The following PRKAG2 variants were observed in gnomAD, a reference collection of about 807,000 sequenced individuals.
The protein encoded by PRKAG2 is protein kinase AMP-activated non-catalytic subunit gamma 2, also known as 5'-AMP-activated protein kinase subunit gamma-2.
Under a neutral mutation model 69.6 loss-of-function variants are expected in PRKAG2, and 26 were observed. That is an observed-to-expected ratio of 0.37 (90% CI 0.27 to 0.52). PRKAG2 has a LOEUF of 0.52. PRKAG2 is among the 20% of genes least tolerant of loss of function. PRKAG2 has a pLI of 0.90. For synonymous variants in PRKAG2, 293 were observed against 285.0 expected, an observed-to-expected ratio of 1.03 and a Z score of -0.28; for missense variants, 557 against 740.0, an observed-to-expected ratio of 0.75 and a Z score of 2.87.
intron 3 of PRKAG2, among the ~76,000 whole-genome samples, chr7:151,735,151 C>T (rs549074103): frequency 3.4e-4 from 51 of 152,220 alleles, no homozygotes; most frequent in African/African-American, 1.0e-3. Flanking sequence ...CCACCGCGCC[C>T]GGCCTCTGAT....
chr7:151,606,921 T>G (rs542368094), intron 5 of PRKAG2, among the ~76,000 whole-genome samples: 1 of 152,380 alleles, frequency 6.6e-6, no homozygotes, highest in Admixed American at 6.5e-5. Context: ...ATTAACACAA[T>G]GCTCCCTTCT....
intron 1 of PRKAG2, among the ~76,000 whole-genome samples, chr7:151,789,428 ACT>A (rs2077166485): frequency 6.6e-6 from 1 of 151,626 alleles, no homozygotes; most frequent in Admixed American, 6.6e-5. Context: ...GCCTACACCC[ACT>A]CTCACCCAGT....
intron 1 of PRKAG2, among the ~76,000 whole-genome samples, chr7:151,862,132 G>A (rs572489271): frequency 1.3e-5 from 2 of 152,188 alleles, no homozygotes; most frequent in East Asian, 1.9e-4. Flanking sequence ...CTAGGCGCCC[G>A]GCCCGTCTCC....
chr7:151,596,600 T>C (rs773328274), intron 5 of PRKAG2, among the ~76,000 whole-genome samples: 1 of 151,984 alleles, frequency 6.6e-6, no homozygotes, highest in Non-Finnish European at 1.5e-5. Flanking sequence ...AATACAAAAA[T>C]TAGCTGGGCA....
chr7:151,610,253 C>T (rs1344419294), intron 5 of PRKAG2, among the ~76,000 whole-genome samples: 1 of 152,118 alleles, frequency 6.6e-6, no homozygotes, highest in East Asian at 1.9e-4. Flanking sequence ...CCTGTAGTCC[C>T]AGCTACTTGG....
rs71198724 is a variant in PRKAG2 at position 151,623,363 on chromosome 7, CAAAAAAAAA to C, written c.754+8697_754+8705del. Among the ~76,000 whole-genome samples, 3 of 36,664 alleles carry C rather than the reference CAAAAAAAAA, an allele frequency of 8.2e-5. No homozygotes were observed. The East Asian group carries it at 5.8e-3, about 71-fold the overall frequency. The allele number at this position is 36,664 out of a possible 152,430, so 24.1% of individuals were successfully genotyped here. On this transcript the variant is annotated intron_variant, in intron 5 of 15. Transcript: ENST00000287878. ...TGGGCAACAGAGCAAGACTCTGTCT[CAAAAAAAAA>C]AAAAAAAAAAAAAAAAAAAGCTCAT... is the stretch of plus-strand genomic sequence containing the variant.
intron 5 of PRKAG2, among the ~76,000 whole-genome samples, chr7:151,606,002 G>T (rs891629019): frequency 4.0e-5 from 6 of 150,320 alleles, no homozygotes; most frequent in Admixed American, 1.3e-4. Context: ...AGCTGAGATT[G>T]TGCTACTACA....
At chr7:151,801,416 G>A (rs532819110) in intron 1 of PRKAG2, among the ~76,000 whole-genome samples, 2 of 72,336 alleles carry the variant, frequency 2.8e-5, no homozygotes, top group South Asian at 6.4e-4. Context: ...CAGGCCCTTG[G>A]CCCCCAGGCT....
chr7:151,858,960 C>T (rs967329708), intron 1 of PRKAG2, among the ~76,000 whole-genome samples: 1 of 152,206 alleles, frequency 6.6e-6, no homozygotes. Flanking sequence ...CTCTGCAAGG[C>T]TGGCATCGAC....
chr7:151,661,824 G>A (rs1830365308), intron 4 of PRKAG2, among the ~76,000 whole-genome samples: 1 of 152,108 alleles, frequency 6.6e-6, no homozygotes, highest in South Asian at 2.1e-4. Flanking sequence ...CCATTTCAAT[G>A]GCTACTTTCT....
At chr7:151,597,831 C>T (rs559179920) in intron 5 of PRKAG2, among the ~76,000 whole-genome samples, 3 of 149,696 alleles carry the variant, frequency 2.0e-5, no homozygotes, top group Admixed American at 1.3e-4. Context: ...CCCCCCCCCC[C>T]GCTCTTTTAT....
chr7:151,767,742 TG>T (rs1218805032), intron 3 of PRKAG2, among the ~76,000 whole-genome samples: 42 of 152,384 alleles, frequency 2.8e-4, no homozygotes, highest in Admixed American at 3.3e-4. Flanking sequence ...TGTTAAATCC[TG>T]TGGCAAGTCA....
chr7:151,778,945 A>G (rs2076535806), intron 3 of PRKAG2, among the ~76,000 whole-genome samples: 1 of 150,906 alleles, frequency 6.6e-6, no homozygotes, highest in Non-Finnish European at 1.5e-5. Flanking sequence ...ACATACACAC[A>G]TACATCTATA....
chr7:151,659,568 C>T (rs550860668), intron 4 of PRKAG2, among the ~76,000 whole-genome samples: 12 of 152,272 alleles, frequency 7.9e-5, no homozygotes, highest in African/African-American at 2.9e-4. Flanking sequence ...CAGACAGATG[C>T]GTGTGAAACT....
intron 3 of PRKAG2, among the ~76,000 whole-genome samples, chr7:151,770,284 A>G (rs576816119): frequency 6.6e-6 from 1 of 152,200 alleles, no homozygotes; most frequent in East Asian, 1.9e-4. Context: ...CCTTGGCTTC[A>G]CCCTCTGACA....
chr7:151,601,415 CATTA>C (rs1427372667), intron 5 of PRKAG2, among the ~76,000 whole-genome samples: 3 of 152,160 alleles, frequency 2.0e-5, no homozygotes, highest in Non-Finnish European at 4.4e-5. Flanking sequence ...GTAATCCATA[CATTA>C]ATTCAGTCTA....
intron 4 of PRKAG2, among the ~76,000 whole-genome samples, chr7:151,660,731 T>C (rs1295827477): frequency 6.6e-6 from 1 of 152,266 alleles, no homozygotes; most frequent in African/African-American, 2.4e-5. Flanking sequence ...ACATCTGTTA[T>C]CTGTCCATTT....
At chr7:151,562,879 T>C (rs1020855039) in intron 14 of PRKAG2, among the ~76,000 whole-genome samples, 1 of 147,788 alleles carries the variant, frequency 6.8e-6, no homozygotes, top group Non-Finnish European at 1.5e-5. Flanking sequence ...CGCTTGAACC[T>C]GGGAGGCGGA....
At chr7:151,697,777 G>A (rs1836942903) in intron 3 of PRKAG2, among the ~76,000 whole-genome samples, 1 of 152,116 alleles carries the variant, frequency 6.6e-6, no homozygotes, top group South Asian at 2.1e-4. Context: ...CCCAGAAAAT[G>A]CCACAGAAAT....
Sources: allele counts gnomAD v4.1 joint callset (sites outside exome capture counted in the v4.1 genomes callset), GRCh38; gene constraint gnomAD v4.1.1; transcripts MANE v1.5; gene names NCBI Gene and HGNC (gene_info 2026-07-23, HGNC 2026-07-21).